The following PLA2R1 variants were observed in gnomAD, a reference collection of about 807,000 sequenced individuals.
The protein encoded by PLA2R1 is secretory phospholipase A2 receptor.
In PLA2R1, 158 loss-of-function variants were observed where a neutral mutation model predicts 195.9. The observed-to-expected ratio is 0.81, with a 90% CI of 0.71 to 0.92. PLA2R1 has a LOEUF of 0.92. Ranked by LOEUF, PLA2R1 falls within the 40% of genes least tolerant of loss-of-function variation. PLA2R1 has a pLI of 0.00. For synonymous variants in PLA2R1, 586 were observed against 598.2 expected (o/e 0.98, Z 0.30); for missense variants, 1,626 against 1,764.6 (o/e 0.92, Z 1.41).
chr2:159,967,437 G>A (rs2105226556), intron 20 of PLA2R1, 102 bp downstream of exon 20: 1 of 952,586 alleles, frequency 1.0e-6, no homozygotes, highest in Non-Finnish European at 1.6e-6. Flanking sequence ...AGGTCCTATG[G>A]ACAACTCACA....
chr2:159,979,745 C>G, intron 14 of PLA2R1, 85 bp downstream of exon 14: 1 of 697,392 alleles, frequency 1.4e-6, no homozygotes, highest in Non-Finnish European at 2.5e-6. Context: ...GCCATCATTT[C>G]TAGGTTCTCT....
chr2:160,031,773 T>C (rs377525839), intron 4 of PLA2R1, among the ~76,000 whole-genome samples: 2 of 152,282 alleles, frequency 1.3e-5, no homozygotes, highest in Admixed American at 6.5e-5. Flanking sequence ...TATTTATGTA[T>C]TTATGTATTT....
intron 27 of PLA2R1, chr2:159,946,244 A>G: frequency 1.0e-6 from 1 of 981,660 alleles, no homozygotes; most frequent in Non-Finnish European, 1.2e-6. Flanking sequence ...TCGAAAGGGT[A>G]GGCTCACCCC....
intron 6 of PLA2R1, among the ~76,000 whole-genome samples, chr2:160,024,918 T>C (rs1693399466): frequency 6.6e-6 from 1 of 152,156 alleles, no homozygotes; most frequent in Non-Finnish European, 1.5e-5. Flanking sequence ...GGGTCCTTGC[T>C]GCTACTGAAC....
chr2:159,966,040 G>C (rs1387925246), intron 20 of PLA2R1, among the ~76,000 whole-genome samples: 1 of 152,154 alleles, frequency 6.6e-6, no homozygotes, highest in East Asian at 1.9e-4. Context: ...GTTAGCATCT[G>C]TCTTCTCATA....
At position 160,042,199 on chromosome 2, in the gene PLA2R1, C is replaced by A; in HGVS notation, c.494-1G>T. On this transcript the variant is annotated splice_acceptor_variant, in intron 2 of 29. Coordinates refer to ENST00000283243, the MANE Select transcript of PLA2R1 (RefSeq NM_007366.5). LOFTEE classifies it high-confidence loss of function. Reference sequence around the variant, plus strand: ...GTGTTCCCTTTGATTGTATGCAAATCTAGGAGAAAGAAATGTACAAAGTCA... The same window carrying A: ...GTGTTCCCTTTGATTGTATGCAAATATAGGAGAAAGAAATGTACAAAGTCA... 1 of 1,611,230 alleles carries A rather than the reference C, an allele frequency of 6.2e-7. No homozygotes were observed. The highest frequency in any genetic ancestry group is 8.5e-7 in the Non-Finnish European group (1 of 1,177,842).
chr2:160,032,501 C>T (rs1693918124), intron 4 of PLA2R1, among the ~76,000 whole-genome samples: 1 of 152,102 alleles, frequency 6.6e-6, no homozygotes, highest in Admixed American at 6.5e-5. Flanking sequence ...TTTTGCTTTT[C>T]CCACTAAATT....
chr2:159,942,938 A>G (rs1687167147), intron 28 of PLA2R1, among the ~76,000 whole-genome samples: 1 of 152,026 alleles, frequency 6.6e-6, no homozygotes. Flanking sequence ...CACTGTTACT[A>G]ATAGCAAAAC....
chr2:159,966,406 G>A (rs188681349), intron 20 of PLA2R1, among the ~76,000 whole-genome samples: 5 of 152,278 alleles, frequency 3.3e-5, no homozygotes, highest in Admixed American at 6.5e-5. Context: ...ACAGGGAGTC[G>A]TTTAATGGGT....
In PLA2R1 at chr2:159,979,831, G is replaced by A. The variant is rs746486538; in HGVS notation, c.2267C>T (p.Pro756Leu). ...AGSWEWSDRT[P>L]VVSSFLDNTY... ...TTTCTCCAGTTTGAAAAGACTTACAGGAGTTCTATCAGACCACTCCCATGA... is the reference window on the plus strand; with the variant it reads ...TTTCTCCAGTTTGAAAAGACTTACAAGAGTTCTATCAGACCACTCCCATGA... The change falls in exon 14 of 30, where the codon CCT becomes CTT. Residue 756 changes from proline (P) to leucine (L), a missense_variant and splice_region_variant. Physicochemically the swap from Pro to Leu is moderately conservative, Grantham distance 98. Coordinates refer to ENST00000283243, the MANE Select transcript of PLA2R1 (RefSeq NM_007366.5). 8 of 1,567,268 alleles carry A rather than the reference G, an allele frequency of 5.1e-6. No individual in the cohort carries two copies. Among genetic ancestry groups the A allele is most frequent in the Middle Eastern group, 1.7e-4 (1 of 5,974 alleles).
In PLA2R1 at chr2:160,016,944, G is replaced by C. The variant is rs559256985; in HGVS notation, c.1453-232C>G. Among the ~76,000 whole-genome samples, 42 of 152,288 alleles carry C rather than the reference G, an allele frequency of 2.8e-4. 1 individual carries two copies. Among genetic ancestry groups the C allele is most frequent in the Admixed American group, 1.8e-3 (27 of 15,298 alleles). ...TGTAACTGGGTGGGCAGGAGAGAGG[G>C]AGCAACTATTAACAACTGGTGCTTC... On this transcript the variant is annotated intron_variant, in intron 8 of 29. Transcript: ENST00000283243.
chr2:159,989,314 G>A (rs751477486), intron 11 of PLA2R1, among the ~76,000 whole-genome samples: 6 of 152,222 alleles, frequency 3.9e-5, no homozygotes, highest in Non-Finnish European at 7.3e-5. Flanking sequence ...CAGTACAAGA[G>A]ATGCTGCATG....
chr2:159,973,293 C>CAGAAATA (rs1463547607), intron 17 of PLA2R1, among the ~76,000 whole-genome samples: 1 of 152,104 alleles, frequency 6.6e-6, no homozygotes, highest in Non-Finnish European at 1.5e-5. Flanking sequence ...ACAAATTATG[C>CAGAAATA]AGAAATAAGA....
At chr2:159,996,673 TAC>T (rs780124229) in intron 11 of PLA2R1, among the ~76,000 whole-genome samples, 3 of 152,122 alleles carry the variant, frequency 2.0e-5, no homozygotes, top group Non-Finnish European at 2.9e-5. Context: ...ATATTCCCAT[TAC>T]ACAGTTTGAA....
intron 20 of PLA2R1, among the ~76,000 whole-genome samples, chr2:159,957,725 AGTTT>A (rs1451575956): frequency 5.3e-5 from 8 of 152,256 alleles, no homozygotes; most frequent in South Asian, 2.1e-4. Context: ...GTTGAAGATA[AGTTT>A]GTTTGTTTTT....
chr2:159,924,733 G>GGGC, the PLA2R1 span, among the ~76,000 whole-genome samples: 9 of 143,220 alleles, frequency 6.3e-5, no homozygotes, highest in African/African-American at 2.3e-4. Context: ...GGGGGCTGGG[G>GGGC]GGGGGGCGGT....
intron 10 of PLA2R1, among the ~76,000 whole-genome samples, chr2:160,010,434 A>C (rs1366468563): frequency 6.6e-6 from 1 of 152,228 alleles, no homozygotes; most frequent in Non-Finnish European, 1.5e-5. Context: ...AAGTGTTAAA[A>C]GTCTTAGACC....
intron 7 of PLA2R1, among the ~76,000 whole-genome samples, chr2:160,021,393 T>C (rs780487900): frequency 6.6e-6 from 1 of 151,902 alleles, no homozygotes; most frequent in Non-Finnish European, 1.5e-5. Context: ...CAGAGGAGGG[T>C]TGGATAAAGA....
chr2:160,013,715 C>G (rs75259973), intron 9 of PLA2R1, among the ~76,000 whole-genome samples: 64,090 of 101,936 alleles, frequency 0.63, 18,685 homozygotes, highest in East Asian at 0.75. Context: ...CTCTCTCTCT[C>G]TCTCTCTGTG....
Sources: gnomAD v4.1 joint callset for allele counts (sites outside exome capture counted in the v4.1 genomes callset) on GRCh38, gnomAD v4.1.1 for gene constraint, MANE v1.5 for transcripts, NCBI Gene and HGNC (gene_info 2026-07-23, HGNC 2026-07-21) for gene names.